MARCHF8: variants seen among roughly 807,000 people sequenced by gnomAD.
MARCHF8 encodes E3 ubiquitin-protein ligase MARCHF8.
Under a neutral mutation model 51.6 loss-of-function variants are expected in MARCHF8, and 40 were observed. The ratio of observed to expected loss-of-function variants is 0.77; its 90% CI spans 0.60 to 1.01. The LOEUF (loss-of-function observed/expected upper bound fraction) is 1.01, where lower values mean the gene tolerates loss of function less well. Ranked by LOEUF, MARCHF8 falls within the 50% of genes least tolerant of loss-of-function variation. The pLI is 0.00. For missense variants in MARCHF8, 685 were observed against 708.6 expected, an observed-to-expected ratio of 0.97 and a Z score of 0.38; for synonymous variants, 263 against 280.3, an observed-to-expected ratio of 0.94 and a Z score of 0.62.
At chr10:45,562,850 G>T (rs1241836110) in intron 1 of MARCHF8, among the ~76,000 whole-genome samples, 7 of 151,896 alleles carry the variant, frequency 4.6e-5, no homozygotes, top group Admixed American at 4.6e-4. Context: ...AAAAATCAGT[G>T]TTTAAGGTAA....
chr10:45,463,621 G>C lies in MARCHF8; in HGVS notation c.618C>G (p.Asn206Lys). Residue 206 changes from asparagine (N) to lysine (K), a missense_variant, in exon 5 of 8, where the codon AAC becomes AAG. Asn to Lys is a moderately conservative substitution (Grantham distance 94). Coordinates refer to ENST00000453424, the MANE Select transcript of MARCHF8 (RefSeq NM_001282866.2). Reference protein sequence around the residue: ...RFHHKEKRTLNHKPLGNSKHS... With the variant: ...RFHHKEKRTLKHKPLGNSKHS... ...GTTTGGAATTGCCAAGAGGTTTGTG[G>C]TTCAGGGTTCTTTTTTCTTTATGAT... 3 of 1,550,674 alleles carry C rather than the reference G, an allele frequency of 1.9e-6. No individual in the cohort carries two copies. Among genetic ancestry groups the C allele is most frequent in the Non-Finnish European group, 2.6e-6 (3 of 1,147,004 alleles).
chr10:45,495,600 G>A (rs1053065922), intron 2 of MARCHF8, among the ~76,000 whole-genome samples: 25 of 151,960 alleles, frequency 1.6e-4, no homozygotes, highest in African/African-American at 5.6e-4. Context: ...CCTCTTCAAC[G>A]GTTTACTCCC....
chr10:45,476,714 C>T (rs939519959), intron 3 of MARCHF8, among the ~76,000 whole-genome samples: 1 of 147,804 alleles, frequency 6.8e-6, no homozygotes, highest in Non-Finnish European at 1.5e-5. Flanking sequence ...ACATGAAATA[C>T]AAAATACACT....
chr10:45,528,720 G>A (rs1320641678), intron 2 of MARCHF8, among the ~76,000 whole-genome samples: 3 of 152,124 alleles, frequency 2.0e-5, no homozygotes, highest in East Asian at 3.8e-4. Context: ...ACCAAACCAA[G>A]AAGTCAATCC....
intron 2 of MARCHF8, among the ~76,000 whole-genome samples, chr10:45,524,013 T>G (rs944345140): frequency 6.6e-6 from 1 of 152,222 alleles, no homozygotes; most frequent in Non-Finnish European, 1.5e-5. Context: ...GAATCGATAT[T>G]GTTGGCTTTT....
chr10:45,565,102 A>G (rs1236020786), intron 1 of MARCHF8, among the ~76,000 whole-genome samples: 4 of 152,166 alleles, frequency 2.6e-5, no homozygotes, highest in Non-Finnish European at 2.9e-5. Flanking sequence ...GTTGAAAGCA[A>G]TAACAACACT....
At chr10:45,546,136 ATTT>A (rs869255291) in intron 1 of MARCHF8, among the ~76,000 whole-genome samples, 3 of 137,784 alleles carry the variant, frequency 2.2e-5, no homozygotes, top group South Asian at 4.3e-4. Flanking sequence ...AATGAGCTGA[ATTT>A]TTATTTATTT....
intron 1 of MARCHF8, among the ~76,000 whole-genome samples, chr10:45,588,467 G>T (rs2044642086): frequency 6.6e-6 from 1 of 152,046 alleles, no homozygotes; most frequent in African/African-American, 2.4e-5. Flanking sequence ...AAATATAAAA[G>T]TTACCAGAAA....
At chr10:45,568,322 T>C (rs367804050) in intron 1 of MARCHF8, among the ~76,000 whole-genome samples, 10 of 152,310 alleles carry the variant, frequency 6.6e-5, no homozygotes, top group African/African-American at 2.4e-4. Flanking sequence ...ATAACAGTGG[T>C]GACAGTGGGC....
At chr10:45,465,558 G>T (rs1057137262) in intron 3 of MARCHF8, among the ~76,000 whole-genome samples, 6 of 152,168 alleles carry the variant, frequency 3.9e-5, no homozygotes, top group Non-Finnish European at 5.9e-5. Context: ...CCATTGCCTG[G>T]AAACTCCTCC....
At chr10:45,462,430 G>T (rs1265806934) in intron 5 of MARCHF8, among the ~76,000 whole-genome samples, 1 of 152,160 alleles carries the variant, frequency 6.6e-6, no homozygotes, top group Non-Finnish European at 1.5e-5. Context: ...CACACCTTTT[G>T]GGGGTAGGTA....
chr10:45,492,297 C>CTT (rs1011617258), intron 2 of MARCHF8, among the ~76,000 whole-genome samples: 1 of 146,738 alleles, frequency 6.8e-6, no homozygotes, highest in Non-Finnish European at 1.5e-5. Context: ...TCTTCTTCTT[C>CTT]TTTTTTTTTT....
chr10:45,505,509 G>C (rs984905276), intron 2 of MARCHF8, among the ~76,000 whole-genome samples: 1 of 152,182 alleles, frequency 6.6e-6, no homozygotes, highest in African/African-American at 2.4e-5. Context: ...TCTAGTTACT[G>C]TTTAAGCCAG....
intron 3 of MARCHF8, among the ~76,000 whole-genome samples, chr10:45,466,543 G>GAT (rs1842974731): frequency 6.6e-6 from 1 of 152,160 alleles, no homozygotes; most frequent in Admixed American, 6.5e-5. Context: ...CCCTGGAACT[G>GAT]ATGAGGCATT....
intron 1 of MARCHF8, among the ~76,000 whole-genome samples, chr10:45,567,038 C>T (rs35098689): frequency 0.011 from 1,732 of 152,274 alleles, 20 homozygotes; most frequent in Non-Finnish European, 0.014. Context: ...TGATGTTGAG[C>T]ACCTTTTCAT....
At chr10:45,581,040 C>T (rs1384795657) in intron 1 of MARCHF8, among the ~76,000 whole-genome samples, 1 of 152,088 alleles carries the variant, frequency 6.6e-6, no homozygotes, top group African/African-American at 2.4e-5. Flanking sequence ...GCTGGGAACA[C>T]GGAGAAACCA....
In MARCHF8 at chr10:45,588,077, T is replaced by C. The variant is rs7916694; in HGVS notation, c.-79+6158A>G. 9.8e-3 allele frequency among the ~76,000 whole-genome samples: 1,494 copies of C among 151,706 alleles called. 33 individuals carry two copies. Among genetic ancestry groups the C allele is most frequent in the African/African-American group, 0.034 (1,427 of 41,380 alleles). Reference sequence around the variant, plus strand: ...GTGGAGCTATAAAACCTCTAGAACATAGGAGAAAATTCAGTAGGCTTTTTT... The same window carrying C: ...GTGGAGCTATAAAACCTCTAGAACACAGGAGAAAATTCAGTAGGCTTTTTT... On this transcript the variant is annotated intron_variant, in intron 1 of 6. Transcript: ENST00000319836.
chr10:45,582,138 A>C (rs113444982), intron 1 of MARCHF8, among the ~76,000 whole-genome samples: 2,082 of 152,260 alleles, frequency 0.014, 55 homozygotes, highest in African/African-American at 0.047. Flanking sequence ...GCTGGCTGGG[A>C]CTTAAATAAC....
intron 2 of MARCHF8, among the ~76,000 whole-genome samples, chr10:45,509,988 G>T (rs1288903084): frequency 6.7e-6 from 1 of 148,288 alleles, no homozygotes; most frequent in Non-Finnish European, 1.5e-5. Context: ...GTAATCTGGG[G>T]AAAGAAGACT....
Sources: allele counts gnomAD v4.1 joint callset (sites outside exome capture counted in the v4.1 genomes callset), GRCh38; gene constraint gnomAD v4.1.1; transcripts MANE v1.5; gene names NCBI Gene and HGNC (gene_info 2026-07-23, HGNC 2026-07-21).